PDE12: variants seen among roughly 807,000 people sequenced by gnomAD.
The protein encoded by PDE12 is 2',5'-phosphodiesterase 12.
PDE12 carries 26 observed loss-of-function variants against 45.4 expected under a neutral mutation model. The observed-to-expected ratio is 0.57, with a 90% CI of 0.42 to 0.79. The LOEUF (loss-of-function observed/expected upper bound fraction) is 0.79, where lower values mean the gene tolerates loss of function less well. Among genes scored for constraint, PDE12 ranks in the 30% least tolerant of loss-of-function variants. The probability of loss-of-function intolerance (pLI) is 0.00; values close to 1 mark genes in which losing one functional copy is unlikely to be tolerated. For synonymous variants in PDE12, 283 were observed against 323.9 expected (o/e 0.87, Z 1.36); for missense variants, 668 against 790.0 (o/e 0.85, Z 1.85).
At chr3:57,640,243 T>G in the PDE12 span, among the ~76,000 whole-genome samples, 3 of 144,680 alleles carry the variant, frequency 2.1e-5, no homozygotes. Flanking sequence ...CACTCCAGCC[T>G]GGGTGACAGA....
chr3:57,594,050 G>A, the PDE12 span, among the ~76,000 whole-genome samples: 399 of 152,260 alleles, frequency 2.6e-3, 1 homozygote, highest in African/African-American at 9.2e-3. Context: ...GAGGTCAGGA[G>A]TTCGAGACTA....
chr3:57,557,103 A>G lies in PDE12; in HGVS notation c.724A>G (p.Ile242Val). The change falls in exon 1 of 3, where the codon ATC (isoleucine) becomes GTC (valine). Residue 242 changes from isoleucine to valine, a missense_variant. This residue lies in a region of PDE12 where 580 missense variants were observed against 662.9 expected (regional missense o/e 0.87). Coordinates refer to ENST00000311180, the MANE Select transcript of PDE12 (RefSeq NM_177966.7). Reference sequence around the variant, plus strand: ...TGTCTACACCCCGTCCAATGCCGACATCGGGCTAAGGCTCAAGCTTCACTG... The same window carrying G: ...TGTCTACACCCCGTCCAATGCCGACGTCGGGCTAAGGCTCAAGCTTCACTG... The part of the protein sequence containing the change: ...ERVYTPSNAD[I>V]GLRLKLHCTP... 1.9e-6 allele frequency: 3 copies of G among 1,614,048 alleles called. No homozygotes were observed. The highest frequency in any genetic ancestry group is 2.5e-6 in the Non-Finnish European group (3 of 1,180,012).
the PDE12 span, chr3:57,630,432 G>T: frequency 1.9e-6 from 3 of 1,584,016 alleles, no homozygotes; most frequent in Non-Finnish European, 2.6e-6. Flanking sequence ...TCTTCACAAA[G>T]AGCTTCTAGA....
At chr3:57,646,541 CCTG>C in the PDE12 span, 25 of 1,419,442 alleles carry the variant, frequency 1.8e-5, no homozygotes, top group East Asian at 5.1e-5. Flanking sequence ...ATAAATTCTT[CCTG>C]CTATTTGTAT....
the PDE12 span, among the ~76,000 whole-genome samples, chr3:57,649,311 C>G: frequency 2.0e-5 from 3 of 151,976 alleles, no homozygotes; most frequent in Non-Finnish European, 2.9e-5. Flanking sequence ...GCACTAGTAC[C>G]TCACTCCTGC....
chr3:57,620,005 C>T, the PDE12 span, among the ~76,000 whole-genome samples: 5 of 151,960 alleles, frequency 3.3e-5, no homozygotes, highest in East Asian at 5.8e-4. Flanking sequence ...AGATGGATCA[C>T]GAGGTCAGGA....
chr3:57,607,588 C>T, the PDE12 span, among the ~76,000 whole-genome samples: 753 of 152,116 alleles, frequency 5.0e-3, 5 homozygotes, highest in African/African-American at 0.017. Flanking sequence ...AACTATGTGA[C>T]GAATGCACAA....
chr3:57,575,503 A>G, the PDE12 span: 12 of 1,552,646 alleles, frequency 7.7e-6, no homozygotes, highest in South Asian at 1.4e-4. Context: ...CTATCCTAGT[A>G]AGTCTTAATA....
At chr3:57,634,796 A>G in the PDE12 span, 10 of 1,511,590 alleles carry the variant, frequency 6.6e-6, no homozygotes, top group Middle Eastern at 2.2e-4. Flanking sequence ...AAAGATTTTT[A>G]TAATTATTCT....
the PDE12 span, chr3:57,646,586 T>C: frequency 3.3e-6 from 4 of 1,194,308 alleles, no homozygotes; most frequent in African/African-American, 1.5e-5. Flanking sequence ...ATTTAGAATA[T>C]GGTGATGTAT....
the PDE12 span, among the ~76,000 whole-genome samples, chr3:57,639,998 CGCAGTGGCTCA>C: frequency 6.6e-6 from 1 of 152,056 alleles, no homozygotes; most frequent in African/African-American, 2.4e-5. Flanking sequence ...GCTGGCCAGG[CGCAGTGGCTCA>C]GCCTGTAATC....
the PDE12 span, among the ~76,000 whole-genome samples, chr3:57,573,019 A>AGG: frequency 1.3e-5 from 2 of 151,840 alleles, no homozygotes; most frequent in South Asian, 4.2e-4. Flanking sequence ...TGGCTAACGC[A>AGG]GTGAAACCCT....
At chr3:57,608,515 T>C in the PDE12 span, among the ~76,000 whole-genome samples, 1 of 151,774 alleles carries the variant, frequency 6.6e-6, no homozygotes, top group Non-Finnish European at 1.5e-5. Flanking sequence ...GAGACACACA[T>C]AGGCTCAAAA....
At chr3:57,609,307 A>G in the PDE12 span, among the ~76,000 whole-genome samples, 1 of 152,190 alleles carries the variant, frequency 6.6e-6, no homozygotes, top group Non-Finnish European at 1.5e-5. Context: ...TTGACACCCT[A>G]ACATCACAAT....
chr3:57,653,744 T>TAA, the PDE12 span, among the ~76,000 whole-genome samples: 11 of 84,708 alleles, frequency 1.3e-4, no homozygotes, highest in African/African-American at 2.8e-4. Context: ...AGACTCCATC[T>TAA]AAAAAAAAAA....
the PDE12 span, among the ~76,000 whole-genome samples, chr3:57,591,537 G>C: frequency 6.6e-6 from 1 of 150,748 alleles, no homozygotes; most frequent in Non-Finnish European, 1.5e-5. Context: ...CACGATCTCA[G>C]CTCACTGCAA....
chr3:57,612,158 G>A, the PDE12 span, among the ~76,000 whole-genome samples: 14 of 146,844 alleles, frequency 9.5e-5, no homozygotes, highest in Admixed American at 2.9e-4. Flanking sequence ...ACCAAACATC[G>A]TATGTTCTCA....
At position 57,556,793 on chromosome 3, in the gene PDE12, C is replaced by T. The variant is rs2069666490; in HGVS notation, c.414C>T (p.Asn138=). Residue 138 remains asparagine (N), a synonymous_variant, in exon 1 of 3, where the codon AAC becomes AAT. Coordinates refer to ENST00000311180, the MANE Select transcript of PDE12 (RefSeq NM_177966.7). This position sits in a 1 kb window ranked among gnomAD's most constrained non-coding sequence, Gnocchi z 5.0. ...REEAVAEDVL[N]VDAWQDGAVL... is the part of the protein sequence containing the mutation. ...AGGCAGTGGCTGAGGACGTGCTCAA[C>T]GTGGATGCCTGGCAAGACGGCGCGG... 1.2e-6 allele frequency: 2 copies of T among 1,612,220 alleles called. No homozygotes were observed. Among genetic ancestry groups the T allele is most frequent in the South Asian group, 1.1e-5 (1 of 91,014 alleles).
the PDE12 span, among the ~76,000 whole-genome samples, chr3:57,605,173 C>T: frequency 0.013 from 1,972 of 152,208 alleles, 49 homozygotes; most frequent in African/African-American, 0.044. Flanking sequence ...CAAGTTGCAG[C>T]ACAGAAACGG....
Sources: gnomAD v4.1 joint callset for allele counts (sites outside exome capture counted in the v4.1 genomes callset) on GRCh38, gnomAD v4.1.1 for gene constraint, gnomAD v4.1.1 regional missense constraint, Gnocchi (gnomAD v3.1) non-coding constraint, MANE v1.5 for transcripts, NCBI Gene and HGNC (gene_info 2026-07-23, HGNC 2026-07-21) for gene names.